Variants in C8orf34 observed in about 807,000 individuals in gnomAD.
C8orf34 encodes the protein chromosome 8 open reading frame 34.
Under a neutral mutation model 68.3 loss-of-function variants are expected in C8orf34, and 65 were observed. The ratio of observed to expected loss-of-function variants is 0.95; its 90% CI spans 0.78 to 1.17. The LOEUF is 1.17. Among genes scored for constraint, C8orf34 ranks in the 50% most tolerant of loss-of-function variants. The pLI is 0.00. For synonymous variants in C8orf34, 244 were observed against 241.2 expected, an observed-to-expected ratio of 1.01 and a Z score of -0.11; for missense variants, 664 against 655.4, an observed-to-expected ratio of 1.01 and a Z score of -0.14.
At position 68,693,299 on chromosome 8, in the gene C8orf34, C is replaced by T. The variant is rs577032327; in HGVS notation, c.1242-15695C>T. On this transcript the variant is annotated intron_variant, in intron 8 of 13. Coordinates refer to ENST00000518698, the MANE Select transcript of C8orf34 (RefSeq NM_052958.4). ...CTAAGGAAGAATGCCTGGAAGACTTCTGTTGGTAGGGCCCAGTGGAAGTGA... is the reference window on the plus strand; with the variant it reads ...CTAAGGAAGAATGCCTGGAAGACTTTTGTTGGTAGGGCCCAGTGGAAGTGA... Among the ~76,000 whole-genome samples the T allele has an allele frequency of 1.2e-4, 18 of 152,166 alleles. No homozygotes were observed. The South Asian group carries it at 3.3e-3, about 28-fold the overall frequency.
At chr8:68,796,283 T>A (rs1417513770) in intron 12 of C8orf34, among the ~76,000 whole-genome samples, 1 of 152,216 alleles carries the variant, frequency 6.6e-6, no homozygotes, top group Non-Finnish European at 1.5e-5. Flanking sequence ...TTTTGATGAT[T>A]ATTTTTGCCA....
intron 7 of C8orf34, among the ~76,000 whole-genome samples, chr8:68,557,361 A>C (rs952722645): frequency 6.6e-6 from 1 of 152,190 alleles, no homozygotes; most frequent in African/African-American, 2.4e-5. Context: ...CTGATCCTAA[A>C]CTTGAGCCCC....
intron 5 of C8orf34, among the ~76,000 whole-genome samples, chr8:68,505,965 T>G (rs1397632903): frequency 6.6e-6 from 1 of 152,188 alleles, no homozygotes; most frequent in Non-Finnish European, 1.5e-5. Context: ...AACACCTAGG[T>G]AACTACCATG....
intron 7 of C8orf34, among the ~76,000 whole-genome samples, chr8:68,640,042 T>A (rs1318437608): frequency 1.3e-5 from 2 of 152,130 alleles, no homozygotes; most frequent in African/African-American, 4.8e-5. Context: ...TCCTGACCAT[T>A]TAGGGCTGAT....
At chr8:68,744,548 T>C (rs1245814226) in intron 10 of C8orf34, among the ~76,000 whole-genome samples, 4 of 151,816 alleles carry the variant, frequency 2.6e-5, no homozygotes, top group African/African-American at 7.3e-5. Flanking sequence ...AAGGAGCTGA[T>C]GGAGCTGAAA....
intron 7 of C8orf34, among the ~76,000 whole-genome samples, chr8:68,550,983 G>A (rs1371694515): frequency 6.6e-6 from 1 of 151,288 alleles, no homozygotes; most frequent in Non-Finnish European, 1.5e-5. Context: ...AGTATGCCTA[G>A]GTATAGTTCT....
intron 7 of C8orf34, among the ~76,000 whole-genome samples, chr8:68,564,298 A>G (rs1816520119): frequency 6.6e-6 from 1 of 152,216 alleles, no homozygotes; most frequent in Admixed American, 6.5e-5. Context: ...AAATGAAACA[A>G]AATATAGTTG....
At chr8:68,464,540 C>A (rs1812014716) in intron 3 of C8orf34, among the ~76,000 whole-genome samples, 1 of 152,128 alleles carries the variant, frequency 6.6e-6, no homozygotes. Context: ...CGCTACCTGA[C>A]TTCAAACTAT....
chr8:68,723,718 T>C (rs574983809), intron 10 of C8orf34, among the ~76,000 whole-genome samples: 1 of 152,152 alleles, frequency 6.6e-6, no homozygotes, highest in Non-Finnish European at 1.5e-5. Context: ...ACATATACCA[T>C]TAGATTCTTC....
intron 10 of C8orf34, among the ~76,000 whole-genome samples, chr8:68,773,890 C>G (rs1376531879): frequency 6.6e-6 from 1 of 152,042 alleles, no homozygotes; most frequent in African/African-American, 2.4e-5. Context: ...TATTTATATT[C>G]GATCATTAAG....
chr8:68,546,482 A>G (rs1815885147), intron 7 of C8orf34, among the ~76,000 whole-genome samples: 1 of 151,910 alleles, frequency 6.6e-6, no homozygotes, highest in South Asian at 2.1e-4. Context: ...GTTTCAAAAT[A>G]CATAAAGTAA....
intron 8 of C8orf34, among the ~76,000 whole-genome samples, chr8:68,646,169 G>C (rs1819166079): frequency 6.6e-6 from 1 of 151,980 alleles, no homozygotes; most frequent in African/African-American, 2.4e-5. Flanking sequence ...GGTGAGGAAA[G>C]GTAGCACATC....
intron 10 of C8orf34, among the ~76,000 whole-genome samples, chr8:68,725,113 T>A (rs1821791849): frequency 6.6e-6 from 1 of 152,152 alleles, no homozygotes; most frequent in Non-Finnish European, 1.5e-5. Flanking sequence ...GCAATCCTCC[T>A]TCCTCGGCCA....
chr8:68,671,923 A>G (rs768158262), intron 8 of C8orf34, among the ~76,000 whole-genome samples: 24 of 152,212 alleles, frequency 1.6e-4, no homozygotes, highest in Non-Finnish European at 1.0e-4. Context: ...ATAAGTCATT[A>G]TAGGGGAGGA....
At chr8:68,813,617 C>T (rs1212526620) in intron 12 of C8orf34, among the ~76,000 whole-genome samples, 1 of 152,032 alleles carries the variant, frequency 6.6e-6, no homozygotes, top group African/African-American at 2.4e-5. Flanking sequence ...CCCTGTTAGC[C>T]TCCTCCAGAG....
At chr8:68,711,966 T>G (rs1233936392) in intron 9 of C8orf34, among the ~76,000 whole-genome samples, 1 of 152,148 alleles carries the variant, frequency 6.6e-6, no homozygotes, top group African/African-American at 2.4e-5. Flanking sequence ...AAGGAAAACC[T>G]ATCAGATTAA....
intron 1 of C8orf34, among the ~76,000 whole-genome samples, chr8:68,361,493 T>A (rs930934227): frequency 1.3e-5 from 2 of 152,232 alleles, no homozygotes; most frequent in African/African-American, 2.4e-5. Context: ...TCTGGACATG[T>A]GCCACTATAT....
chr8:68,565,427 C>T (rs73683567), intron 7 of C8orf34, among the ~76,000 whole-genome samples: 2,151 of 152,218 alleles, frequency 0.014, 64 homozygotes, highest in African/African-American at 0.049. Context: ...CTCTTATTCC[C>T]CAGCTGTCTC....
At chr8:68,680,013 G>T (rs1309467209) in intron 8 of C8orf34, among the ~76,000 whole-genome samples, 1 of 152,072 alleles carries the variant, frequency 6.6e-6, no homozygotes, top group Non-Finnish European at 1.5e-5. Flanking sequence ...CACTGGACTG[G>T]GCAAAAATAT....
Sources: allele counts gnomAD v4.1 joint callset (sites outside exome capture counted in the v4.1 genomes callset), GRCh38; gene constraint gnomAD v4.1.1; transcripts MANE v1.5; gene names NCBI Gene and HGNC (gene_info 2026-07-23, HGNC 2026-07-21).